The following ZNF475 variants were observed in gnomAD, a reference collection of about 807,000 sequenced individuals.
ZNF475 encodes zinc finger protein 475.
At chr5:122,181,508 T>C in the ZNF475 span, among the ~76,000 whole-genome samples, 1 of 152,240 alleles carries the variant, frequency 6.6e-6, no homozygotes, top group African/African-American at 2.4e-5. Context: ...TGCTGGGATT[T>C]AAATTTCCAT....
At chr5:122,176,528 G>T in the ZNF475 span, among the ~76,000 whole-genome samples, 2 of 152,104 alleles carry the variant, frequency 1.3e-5, no homozygotes, top group African/African-American at 4.8e-5. Context: ...ATTTAGACAG[G>T]CCCTGGGTTC....
chr5:122,160,197 T>C, the ZNF475 span: 2 of 1,288,920 alleles, frequency 1.6e-6, no homozygotes, highest in Non-Finnish European at 2.0e-6. Context: ...GTGCCAACCA[T>C]GCCTGCATAT....
chr5:122,176,510 A>G, the ZNF475 span, among the ~76,000 whole-genome samples: 1 of 152,142 alleles, frequency 6.6e-6, no homozygotes, highest in African/African-American at 2.4e-5. Context: ...GTACAGCTCT[A>G]TCCTCAGATT....
At chr5:122,180,274 C>T in the ZNF475 span, among the ~76,000 whole-genome samples, 39 of 152,300 alleles carry the variant, frequency 2.6e-4, no homozygotes, top group South Asian at 5.6e-3. Context: ...AGCATCAGCT[C>T]GCTCTATAGG....
chr5:122,179,709 C>G, the ZNF475 span: 1 of 1,522,042 alleles, frequency 6.6e-7, no homozygotes, highest in Non-Finnish European at 8.8e-7. Context: ...ACCTAAAAAA[C>G]CAGAAGTCAG....
the ZNF475 span, among the ~76,000 whole-genome samples, chr5:122,178,464 G>A: frequency 2.0e-5 from 3 of 152,172 alleles, no homozygotes; most frequent in Non-Finnish European, 2.9e-5. Context: ...GTATCTCATT[G>A]TGGTTTTGAT....
At chr5:122,165,531 G>A in the ZNF475 span, among the ~76,000 whole-genome samples, 1 of 152,252 alleles carries the variant, frequency 6.6e-6, no homozygotes, top group Middle Eastern at 3.4e-3. Context: ...CGTATGGTTG[G>A]AAAGTGTCTG....
At chr5:122,174,798 T>C in the ZNF475 span, among the ~76,000 whole-genome samples, 2 of 152,242 alleles carry the variant, frequency 1.3e-5, no homozygotes, top group Non-Finnish European at 2.9e-5. Flanking sequence ...TGGAATTTTA[T>C]TAAATTCACT....
At chr5:122,165,974 A>G in the ZNF475 span, among the ~76,000 whole-genome samples, 1 of 152,254 alleles carries the variant, frequency 6.6e-6, no homozygotes, top group Non-Finnish European at 1.5e-5. Flanking sequence ...TAATGGTTAC[A>G]GATAAATCCA....
the ZNF475 span, chr5:122,163,309 G>C: frequency 6.6e-6 from 1 of 152,214 alleles, no homozygotes; most frequent in African/African-American, 2.4e-5. Flanking sequence ...AGCATGTAAA[G>C]TGTTTAGTAC....
At chr5:122,166,496 C>G in the ZNF475 span, among the ~76,000 whole-genome samples, 2 of 152,134 alleles carry the variant, frequency 1.3e-5, no homozygotes, top group Non-Finnish European at 2.9e-5. Context: ...CTCCCCCTCC[C>G]CCAATCCCAC....
chr5:122,177,618 T>G, the ZNF475 span, among the ~76,000 whole-genome samples: 1 of 152,296 alleles, frequency 6.6e-6, no homozygotes, highest in Admixed American at 6.5e-5. Context: ...ATCTTTTAAT[T>G]GCCAAAAAGA....
the ZNF475 span, among the ~76,000 whole-genome samples, chr5:122,173,171 A>AT: frequency 6.6e-6 from 1 of 152,106 alleles, no homozygotes; most frequent in African/African-American, 2.4e-5. Context: ...TGCTAGGAAT[A>AT]TTTTTTTCCT....
the ZNF475 span, chr5:122,160,393 C>A: frequency 1.7e-6 from 1 of 594,898 alleles, no homozygotes; most frequent in South Asian, 1.6e-5. Flanking sequence ...AGAGCAACAG[C>A]CTCATGAGTG....
chr5:122,175,922 A>G, the ZNF475 span, among the ~76,000 whole-genome samples: 1 of 152,234 alleles, frequency 6.6e-6, no homozygotes, highest in East Asian at 1.9e-4. Context: ...TTGAAAGTGT[A>G]TTGTTCTCTT....
the ZNF475 span, among the ~76,000 whole-genome samples, chr5:122,181,856 C>A: frequency 6.6e-6 from 1 of 152,290 alleles, no homozygotes; most frequent in Admixed American, 6.5e-5. Context: ...ATACATTTCT[C>A]ATCTGTCTTT....
chr5:122,169,457 A>T, the ZNF475 span, among the ~76,000 whole-genome samples: 9 of 152,316 alleles, frequency 5.9e-5, no homozygotes, highest in Non-Finnish European at 7.4e-5. Context: ...AAGTAGATGA[A>T]TGAAGGCATG....
chr5:122,167,649 G>T, the ZNF475 span, among the ~76,000 whole-genome samples: 1 of 152,130 alleles, frequency 6.6e-6, no homozygotes, highest in Non-Finnish European at 1.5e-5. Flanking sequence ...TTTTAAATCA[G>T]CCTTATGGAG....
chr5:122,166,613 A>ATAGT, the ZNF475 span, among the ~76,000 whole-genome samples: 6,010 of 152,004 alleles, frequency 0.04, 390 homozygotes, highest in African/African-American at 0.14. Context: ...TGTCCTTGTG[A>ATAGT]TTGCTGAAAA....
Sources: gnomAD v4.1 joint callset for allele counts (sites outside exome capture counted in the v4.1 genomes callset) on GRCh38, gnomAD v4.1.1 for gene constraint, MANE v1.5 for transcripts, NCBI Gene and HGNC (gene_info 2026-07-23, HGNC 2026-07-21) for gene names.